TRAPPC10: variants seen among roughly 807,000 people sequenced by gnomAD.
The protein encoded by TRAPPC10 is trafficking protein particle complex subunit 10.
In TRAPPC10, 23 loss-of-function variants were observed where a neutral mutation model predicts 125.5. That is an observed-to-expected ratio of 0.18 (90% CI 0.13 to 0.26). The LOEUF (loss-of-function observed/expected upper bound fraction) is 0.26, where lower values mean the gene tolerates loss of function less well. Among genes scored for constraint, TRAPPC10 ranks in the 10% least tolerant of loss-of-function variants. The pLI, the probability that TRAPPC10 is intolerant of heterozygous loss-of-function variation, is 1.00. For missense variants in TRAPPC10, 1,123 were observed against 1,308.4 expected, an observed-to-expected ratio of 0.86 and a Z score of 2.19; for synonymous variants, 509 against 518.0, an observed-to-expected ratio of 0.98 and a Z score of 0.24.
At chr21:44,079,434 G>A in intron 11 of TRAPPC10, 130 bp from the exon 12 acceptor site, 2 of 1,013,292 alleles carry the variant, frequency 2.0e-6, no homozygotes, top group South Asian at 1.9e-5. Context: ...GTGGAAAAGG[G>A]CTATCTAGAG....
chr21:44,023,182 G>A (rs1170586490), intron 1 of TRAPPC10, among the ~76,000 whole-genome samples: 5 of 151,498 alleles, frequency 3.3e-5, no homozygotes, highest in Admixed American at 6.6e-5. Flanking sequence ...ACAGGTGCCC[G>A]CCACCACGCC....
chr21:44,094,879 T>C (rs1288031751), intron 20 of TRAPPC10, among the ~76,000 whole-genome samples: 1 of 152,176 alleles, frequency 6.6e-6, no homozygotes, highest in East Asian at 1.9e-4. Context: ...TTTATAGTTT[T>C]GATATTAGCA....
At chr21:44,091,141 A>C (rs1465055951) in intron 18 of TRAPPC10, among the ~76,000 whole-genome samples, 3 of 152,236 alleles carry the variant, frequency 2.0e-5, no homozygotes, top group Admixed American at 2.0e-4. Flanking sequence ...CAGTGAGCTG[A>C]GATCGTGCCA....
chr21:44,030,623 C>T (rs961888363), intron 1 of TRAPPC10, among the ~76,000 whole-genome samples: 26 of 152,170 alleles, frequency 1.7e-4, no homozygotes, highest in Middle Eastern at 3.4e-3. Flanking sequence ...TGCGCCACCA[C>T]GCCCGGCTAA....
chr21:44,012,588 G>A (rs1466723705), intron 1 of TRAPPC10, 28 bp downstream of exon 1: 6 of 1,524,774 alleles, frequency 3.9e-6, no homozygotes, highest in Non-Finnish European at 5.3e-6. Context: ...GGGAGGGCGC[G>A]GCGGTCGTTG....
intron 1 of TRAPPC10, among the ~76,000 whole-genome samples, chr21:44,031,419 T>C (rs1417743464): frequency 2.0e-5 from 3 of 152,236 alleles, no homozygotes; most frequent in Non-Finnish European, 2.9e-5. Flanking sequence ...AGATAAAAGC[T>C]GAATTAACAC....
chr21:44,040,261 A>G (rs1226397780), intron 3 of TRAPPC10, among the ~76,000 whole-genome samples: 1 of 152,250 alleles, frequency 6.6e-6, no homozygotes, highest in Admixed American at 6.5e-5. Context: ...GACATACTCA[A>G]GAGCAAGGGC....
chr21:44,044,943 G>C (rs575866875), intron 3 of TRAPPC10, among the ~76,000 whole-genome samples: 6 of 152,066 alleles, frequency 3.9e-5, no homozygotes, highest in African/African-American at 1.2e-4. Context: ...TGGGATTACA[G>C]GTGTGAGCCA....
intron 1 of TRAPPC10, among the ~76,000 whole-genome samples, chr21:44,015,971 T>C (rs2031795722): frequency 6.6e-6 from 1 of 152,180 alleles, no homozygotes; most frequent in African/African-American, 2.4e-5. Flanking sequence ...CGGGCTCCTG[T>C]GAAGAGGGAC....
intron 13 of TRAPPC10, among the ~76,000 whole-genome samples, chr21:44,080,993 A>G (rs1003988542): frequency 1.3e-5 from 2 of 148,698 alleles, no homozygotes; most frequent in Non-Finnish European, 3.0e-5. Flanking sequence ...TACCACAGTC[A>G]ATATTATTGT....
At chr21:44,056,371 GGT>G (rs1302684375) in intron 5 of TRAPPC10, among the ~76,000 whole-genome samples, 2 of 152,114 alleles carry the variant, frequency 1.3e-5, no homozygotes, top group Non-Finnish European at 2.9e-5. Context: ...GGGTGTCCGG[GGT>G]GGTGGGCAAA....
In TRAPPC10 at chr21:44,094,200, G is replaced by A. The variant is rs758311136; in HGVS notation, c.3135G>A (p.Pro1045=). 26 of 1,612,446 alleles carry A rather than the reference G, an allele frequency of 1.6e-5. No homozygotes were observed. The highest frequency in any genetic ancestry group is 3.3e-4 in the Middle Eastern group (2 of 6,080). The change falls in exon 20 of 23, where the codon CCG becomes CCA. Residue 1045 remains proline (P), a synonymous_variant. Transcript: ENST00000291574. ...SEEQLSISLK[P]YTYEFKVENF... ...AACAGCTGTCTATCTCCTTAAAGCC[G>A]TATACTTATGAATTTAAAGTGGAAA...
chr21:44,082,093 G>A lies in TRAPPC10; in HGVS notation c.1724-695G>A, dbSNP rs183514266. Among the ~76,000 whole-genome samples the A allele has an allele frequency of 2.0e-5, 3 of 152,322 alleles. No homozygotes were observed. The highest frequency in any genetic ancestry group is 7.2e-5 in the African/African-American group (3 of 41,578). ...ATAAAATATTCCACAATCGTTTACT[G>A]TTTCTCATGATCTATGGCATCAGTC... is the stretch of plus-strand genomic sequence containing the variant. On this transcript the variant is annotated intron_variant, in intron 13 of 22. Coordinates refer to ENST00000291574, the MANE Select transcript of TRAPPC10 (RefSeq NM_003274.5). The surrounding 1 kb of genome is among the most constrained non-coding windows in gnomAD (Gnocchi z 4.4).
At chr21:44,041,338 G>A (rs1032592023) in intron 3 of TRAPPC10, among the ~76,000 whole-genome samples, 7 of 151,112 alleles carry the variant, frequency 4.6e-5, no homozygotes, top group Non-Finnish European at 1.0e-4. Context: ...CGGTTAAGTT[G>A]TAAAACTTAC....
At chr21:44,075,382 A>AG (rs1170972216) in intron 9 of TRAPPC10, among the ~76,000 whole-genome samples, 1 of 152,222 alleles carries the variant, frequency 6.6e-6, no homozygotes, top group Non-Finnish European at 1.5e-5. Flanking sequence ...TCAGAAATGT[A>AG]GCTGAGTTTC....
chr21:44,040,349 T>A (rs560096917), intron 3 of TRAPPC10, among the ~76,000 whole-genome samples: 2 of 139,874 alleles, frequency 1.4e-5, no homozygotes, highest in African/African-American at 5.0e-5. Context: ...TCTCTCTCTC[T>A]TTTTTTTTTT....
intron 1 of TRAPPC10, among the ~76,000 whole-genome samples, chr21:44,028,785 G>T (rs977601974): frequency 6.6e-6 from 1 of 152,218 alleles, no homozygotes; most frequent in Non-Finnish European, 1.5e-5. Context: ...TTTGTGAACA[G>T]GGTTTCTGAG....
intron 4 of TRAPPC10, among the ~76,000 whole-genome samples, chr21:44,052,813 T>A (rs1045792443): frequency 6.6e-6 from 1 of 152,000 alleles, no homozygotes; most frequent in African/African-American, 2.4e-5. Context: ...TTTTTTGAAA[T>A]GACGGCACCT....
At chr21:44,020,627 C>G (rs538167057) in intron 1 of TRAPPC10, among the ~76,000 whole-genome samples, 1 of 151,870 alleles carries the variant, frequency 6.6e-6, no homozygotes, top group East Asian at 1.9e-4. Flanking sequence ...GAGTGAGACC[C>G]TGTCTCAAAA....
Sources: gnomAD v4.1 joint callset for allele counts (sites outside exome capture counted in the v4.1 genomes callset) on GRCh38, gnomAD v4.1.1 for gene constraint, Gnocchi (gnomAD v3.1) non-coding constraint, MANE v1.5 for transcripts, NCBI Gene and HGNC (gene_info 2026-07-23, HGNC 2026-07-21) for gene names.